Variants in LUZP2 observed in about 807,000 individuals in gnomAD.
The protein encoded by LUZP2 is leucine zipper protein 2.
A neutral mutation model predicts 51.6 loss-of-function variants in LUZP2; 52 were observed. The observed-to-expected ratio is 1.01, with a 90% CI of 0.81 to 1.27. The LOEUF (loss-of-function observed/expected upper bound fraction) is 1.27, where lower values mean the gene tolerates loss of function less well. Ranked by LOEUF, LUZP2 falls within the 50% of genes most tolerant of loss-of-function variation. The pLI, the probability that LUZP2 is intolerant of heterozygous loss-of-function variation, is 0.00. For missense variants in LUZP2, 436 were observed against 395.4 expected, an observed-to-expected ratio of 1.10 and a Z score of -0.87; for synonymous variants, 154 against 137.3, an observed-to-expected ratio of 1.12 and a Z score of -0.85.
intron 1 of LUZP2, among the ~76,000 whole-genome samples, chr11:24,654,190 C>T (rs1460604931): frequency 6.6e-6 from 1 of 152,010 alleles, no homozygotes; most frequent in Non-Finnish European, 1.5e-5. Context: ...GATACATAAG[C>T]CAGTTGGTAA....
At chr11:24,556,562 G>A (rs1851875901) in intron 1 of LUZP2, among the ~76,000 whole-genome samples, 1 of 152,132 alleles carries the variant, frequency 6.6e-6, no homozygotes, top group South Asian at 2.1e-4. Context: ...AAGAAATCAA[G>A]GAATATGTAG....
chr11:24,602,247 T>TATATACACACAC (rs1565020999), intron 1 of LUZP2, among the ~76,000 whole-genome samples: 10 of 133,176 alleles, frequency 7.5e-5, no homozygotes, highest in African/African-American at 2.6e-4. Context: ...TATATATGTA[T>TATATACACACAC]ATATATGCAA....
At chr11:24,982,901 T>C (rs1856077370) in intron 8 of LUZP2, among the ~76,000 whole-genome samples, 1 of 151,878 alleles carries the variant, frequency 6.6e-6, no homozygotes, top group Non-Finnish European at 1.5e-5. Context: ...GACATATCTT[T>C]GTATTTCAGT....
intron 1 of LUZP2, among the ~76,000 whole-genome samples, chr11:24,567,942 A>G (rs1852295633): frequency 6.6e-6 from 1 of 152,144 alleles, no homozygotes; most frequent in Non-Finnish European, 1.5e-5. Context: ...CAATATTTAC[A>G]TATTTTCTTC....
chr11:24,734,148 A>T (rs1858836817), intron 3 of LUZP2, among the ~76,000 whole-genome samples: 1 of 151,848 alleles, frequency 6.6e-6, no homozygotes, highest in Admixed American at 6.6e-5. Context: ...AATGTAGACC[A>T]GGGTGAGAAA....
At chr11:24,985,897 C>A (rs564334646) in intron 9 of LUZP2, among the ~76,000 whole-genome samples, 1 of 151,524 alleles carries the variant, frequency 6.6e-6, no homozygotes, top group Non-Finnish European at 1.5e-5. Context: ...AATAAAATTA[C>A]CTGAAGAGAC....
At chr11:24,839,429 A>G (rs925279899) in intron 5 of LUZP2, among the ~76,000 whole-genome samples, 15 of 151,762 alleles carry the variant, frequency 9.9e-5, no homozygotes, top group African/African-American at 3.6e-4. Context: ...TCTAGATTGT[A>G]GTGACTGAGA....
chr11:24,926,574 CGTGTATATATATGT>C (rs1390597464), intron 7 of LUZP2, among the ~76,000 whole-genome samples: 63 of 95,932 alleles, frequency 6.6e-4, no homozygotes, highest in East Asian at 2.8e-3. Context: ...TATATATATA[CGTGTATATATATGT>C]GTGTATATAT....
chr11:24,916,874 G>T (rs901401905), intron 7 of LUZP2, among the ~76,000 whole-genome samples: 1 of 152,172 alleles, frequency 6.6e-6, no homozygotes, highest in Non-Finnish European at 1.5e-5. Context: ...TGGGCAAATG[G>T]TATTTCTAGT....
intron 5 of LUZP2, among the ~76,000 whole-genome samples, chr11:24,812,212 A>AT (rs1564925644): frequency 1.4e-5 from 1 of 69,522 alleles, no homozygotes; most frequent in Non-Finnish European, 3.0e-5. Context: ...TGTAAACATA[A>AT]CTTTTACACA....
intron 4 of LUZP2, among the ~76,000 whole-genome samples, chr11:24,749,477 G>A (rs984513993): frequency 2.0e-5 from 3 of 152,148 alleles, no homozygotes; most frequent in African/African-American, 7.2e-5. Context: ...GGTGTTGACA[G>A]AGGAGACTGC....
chr11:24,856,345 A>G (rs1851564567), intron 5 of LUZP2, among the ~76,000 whole-genome samples: 1 of 152,152 alleles, frequency 6.6e-6, no homozygotes, highest in South Asian at 2.1e-4. Flanking sequence ...GTTCAACATC[A>G]CTAAACATCA....
At chr11:25,043,288 C>A (rs749535070) in intron 9 of LUZP2, among the ~76,000 whole-genome samples, 2 of 152,090 alleles carry the variant, frequency 1.3e-5, no homozygotes, top group Non-Finnish European at 2.9e-5. Context: ...AGAACATTGA[C>A]ATATCTTTTG....
chr11:24,915,143 A>G (rs1385459960), intron 7 of LUZP2, among the ~76,000 whole-genome samples: 1 of 152,148 alleles, frequency 6.6e-6, no homozygotes, highest in African/African-American at 2.4e-5. Context: ...AAGTTGCATG[A>G]ATTAGAATTC....
intron 1 of LUZP2, among the ~76,000 whole-genome samples, chr11:24,575,318 G>A (rs1378091562): frequency 6.6e-6 from 1 of 151,970 alleles, no homozygotes; most frequent in African/African-American, 2.4e-5. Flanking sequence ...TGATATCTTT[G>A]GTCAGTTATT....
rs531659489 is a variant in LUZP2 at position 24,679,055 on chromosome 11, G to T, written c.63-50114G>T. 9.2e-5 allele frequency among the ~76,000 whole-genome samples: 14 copies of T among 152,194 alleles called. No individual in the cohort carries two copies. In the South Asian group the frequency reaches 2.9e-3, roughly 32 times the overall value. Reference sequence around the variant, plus strand: ...AATAACATTGTCAGTAAGCTTATATGGAGACGGCCACTGCTAAGCAGGTTT... The same window carrying T: ...AATAACATTGTCAGTAAGCTTATATTGAGACGGCCACTGCTAAGCAGGTTT... On this transcript the variant is annotated intron_variant, in intron 1 of 11. Coordinates refer to ENST00000336930, the MANE Select transcript of LUZP2 (RefSeq NM_001009909.4).
At chr11:25,033,730 C>T (rs1198130820) in intron 9 of LUZP2, among the ~76,000 whole-genome samples, 1 of 152,102 alleles carries the variant, frequency 6.6e-6, no homozygotes, top group Non-Finnish European at 1.5e-5. Flanking sequence ...CCAACTCCAC[C>T]TATGTTGCTA....
chr11:24,923,951 T>C (rs1214469438), intron 7 of LUZP2, among the ~76,000 whole-genome samples: 1 of 152,170 alleles, frequency 6.6e-6, no homozygotes, highest in African/African-American at 2.4e-5. Flanking sequence ...AAGAAGGAGA[T>C]GAATACCTCG....
intron 5 of LUZP2, chr11:24,892,291 C>A (rs1391484450): frequency 1.0e-6 from 1 of 985,252 alleles, no homozygotes; most frequent in Non-Finnish European, 1.2e-6. Context: ...GAAGGAGCAC[C>A]TGAAGACTTG....
Sources: allele counts gnomAD v4.1 joint callset (sites outside exome capture counted in the v4.1 genomes callset), GRCh38; gene constraint gnomAD v4.1.1; transcripts MANE v1.5; gene names NCBI Gene and HGNC (gene_info 2026-07-23, HGNC 2026-07-21).